Variants in ARHGAP12 observed in about 807,000 individuals in gnomAD.
ARHGAP12 encodes Rho GTPase activating protein 12.
ARHGAP12 carries 64 observed loss-of-function variants against 108.6 expected under a neutral mutation model. The ratio of observed to expected loss-of-function variants is 0.59; its 90% confidence interval spans 0.48 to 0.73. ARHGAP12 has a LOEUF of 0.73. ARHGAP12 is among the 30% of genes least tolerant of loss of function. ARHGAP12 has a pLI of 0.00. For missense variants in ARHGAP12, 940 were observed against 1,005.9 expected, an observed-to-expected ratio of 0.93 and a Z score of 0.89; for synonymous variants, 312 against 337.2, an observed-to-expected ratio of 0.93 and a Z score of 0.82.
intron 3 of ARHGAP12, among the ~76,000 whole-genome samples, chr10:31,892,020 G>A (rs1023777544): frequency 3.9e-5 from 6 of 152,016 alleles, no homozygotes; most frequent in African/African-American, 1.2e-4. Context: ...TTTGCAATGG[G>A]TTCGAACTTC....
intron 16 of ARHGAP12, chr10:31,809,826 T>C (rs1834949342): frequency 1.3e-5 from 2 of 152,478 alleles, no homozygotes; most frequent in Admixed American, 1.3e-4. Context: ...TATTTTCTTT[T>C]ATATGTGAAA....
At chr10:31,864,549 C>T (rs1380854611) in intron 3 of ARHGAP12, among the ~76,000 whole-genome samples, 1 of 152,100 alleles carries the variant, frequency 6.6e-6, no homozygotes, top group Non-Finnish European at 1.5e-5. Flanking sequence ...GCCCAGTACA[C>T]AGGAGCACTT....
chr10:31,879,972 A>G (rs1837875508), intron 3 of ARHGAP12, among the ~76,000 whole-genome samples: 1 of 152,242 alleles, frequency 6.6e-6, no homozygotes, highest in Admixed American at 6.5e-5. Flanking sequence ...GGGAAATAAT[A>G]GGGAAGCAAC....
Position 31,827,938 on chromosome 10 carries a change from AAGTGAAATAAAGTTAATTACTACT to A in ARHGAP12, c.1449-1577_1449-1554del, listed in dbSNP as rs575847072. Among the ~76,000 whole-genome samples, 105 of 152,310 alleles carry A rather than the reference AAGTGAAATAAAGTTAATTACTACT, an allele frequency of 6.9e-4. 1 individual carries two copies. The East Asian group carries it at 0.016, about 23-fold the overall frequency. ...CTAGTTGAACTTTATGGATTAAGATAAGTGAAATAAAGTTAATTACTACTAGTGAAATAAAGTTAATTACTACTA... is the reference window on the plus strand; with the variant it reads ...CTAGTTGAACTTTATGGATTAAGATAAGTGAAATAAAGTTAATTACTACTA... On this transcript the variant is annotated intron_variant, in intron 10 of 19. Transcript: ENST00000344936.
At chr10:31,832,982 A>G (rs138457592) in intron 9 of ARHGAP12, among the ~76,000 whole-genome samples, 93 of 152,240 alleles carry the variant, frequency 6.1e-4, no homozygotes, top group African/African-American at 2.1e-3. Flanking sequence ...CGCAAGTTTG[A>G]TATTTTTCGT....
At chr10:31,915,872 A>G (rs755596443) in intron 1 of ARHGAP12, among the ~76,000 whole-genome samples, 6 of 152,194 alleles carry the variant, frequency 3.9e-5, no homozygotes. Flanking sequence ...AAAACTTTAG[A>G]TCTAGGTAAC....
At chr10:31,846,899 A>ATTTTTTT (rs377177944) in intron 6 of ARHGAP12, among the ~76,000 whole-genome samples, 2 of 84,604 alleles carry the variant, frequency 2.4e-5, no homozygotes, top group African/African-American at 4.8e-5. Flanking sequence ...GGCACTGTTC[A>ATTTTTTT]TTTTTTTTTT....
intron 4 of ARHGAP12, among the ~76,000 whole-genome samples, chr10:31,856,519 T>TG (rs1218294443): frequency 2.0e-5 from 3 of 152,278 alleles, no homozygotes; most frequent in Non-Finnish European, 4.4e-5. Flanking sequence ...CCCCAATAAT[T>TG]GGGGAAAATA....
Position 31,839,683 on chromosome 10 carries a change from A to G in ARHGAP12, c.1325T>C (p.Phe442Ser), listed in dbSNP as rs2808096. The part of the protein sequence containing the change: ...KESPTASKPC[F>S]PENESSPSSP... ...GGAGGGAGAAGACTCATTTTCAGGAAAGCAGGGTTTTGAGGCAGTTGGAGA... is the reference window on the plus strand; with the variant it reads ...GGAGGGAGAAGACTCATTTTCAGGAGAGCAGGGTTTTGAGGCAGTTGGAGA... Residue 442 changes from phenylalanine to serine, a missense_variant, in exon 8 of 20, where the codon TTT (phenylalanine) becomes TCT (serine). Phe to Ser is a radical substitution (Grantham distance 155, BLOSUM62 -2). Coordinates refer to ENST00000344936, the MANE Select transcript of ARHGAP12 (RefSeq NM_018287.7). 339,706 of 1,603,304 alleles carry G rather than the reference A, an allele frequency of 0.21. 37,846 individuals carry two copies. Among genetic ancestry groups the G allele is most frequent in the East Asian group, 0.35 (15,499 of 44,500 alleles).
chr10:31,905,778 C>T (rs1461542263), intron 3 of ARHGAP12, among the ~76,000 whole-genome samples: 1 of 151,994 alleles, frequency 6.6e-6, no homozygotes, highest in Admixed American at 6.6e-5. Context: ...ACAGGAAACA[C>T]TTGCATTGTA....
intron 4 of ARHGAP12, among the ~76,000 whole-genome samples, chr10:31,861,134 A>AG (rs1187043495): frequency 3.3e-5 from 5 of 152,246 alleles, no homozygotes; most frequent in African/African-American, 9.6e-5. Flanking sequence ...CTAAGACATA[A>AG]GGGGGTGCAC....
intron 5 of ARHGAP12, among the ~76,000 whole-genome samples, chr10:31,853,016 C>T (rs1212729316): frequency 2.6e-5 from 4 of 152,290 alleles, no homozygotes; most frequent in Admixed American, 6.5e-5. Flanking sequence ...GCGTCAGCCA[C>T]GGCGCCCGGC....
intron 3 of ARHGAP12, among the ~76,000 whole-genome samples, chr10:31,877,457 T>C (rs1435071865): frequency 6.6e-6 from 1 of 152,202 alleles, no homozygotes; most frequent in African/African-American, 2.4e-5. Context: ...AAATCTGAAG[T>C]TGGAAAGTCA....
chr10:31,920,466 A>AAG (rs1221473072), intron 1 of ARHGAP12, among the ~76,000 whole-genome samples: 1 of 151,054 alleles, frequency 6.6e-6, no homozygotes, highest in African/African-American at 2.4e-5. Flanking sequence ...AAAAAAAAAA[A>AAG]AAAAAGAAAA....
At chr10:31,890,503 T>C (rs1200795091) in intron 3 of ARHGAP12, among the ~76,000 whole-genome samples, 1 of 152,204 alleles carries the variant, frequency 6.6e-6, no homozygotes, top group Non-Finnish European at 1.5e-5. Flanking sequence ...TTCCTAACTT[T>C]AGACATGCTC....
chr10:31,889,045 G>A (rs1229710457), intron 3 of ARHGAP12, among the ~76,000 whole-genome samples: 2 of 152,142 alleles, frequency 1.3e-5, no homozygotes, highest in African/African-American at 4.8e-5. Context: ...TAGTAGCTGG[G>A]ATTACAGGTG....
chr10:31,812,498 T>A, intron 15 of ARHGAP12: 1 of 318,420 alleles, frequency 3.1e-6, no homozygotes, highest in East Asian at 5.4e-5. Flanking sequence ...AAAAGTTTAG[T>A]GTGTTATTTA....
In ARHGAP12 at chr10:31,918,932, T is replaced by C. The variant is rs542244521; in HGVS notation, c.-110-8369A>G. Reference sequence around the variant, plus strand: ...GCAGAAAGTCAAACAGATATTTGTATATCCATGTTCACAGCAGCATTAATC... The same window carrying C: ...GCAGAAAGTCAAACAGATATTTGTACATCCATGTTCACAGCAGCATTAATC... On this transcript the variant is annotated intron_variant, in intron 1 of 19. Transcript: ENST00000344936. Among the ~76,000 whole-genome samples the C allele has an allele frequency of 8.4e-4, 128 of 152,346 alleles. 4 individuals are homozygous for C. The South Asian group carries it at 0.026, about 31-fold the overall frequency.
chr10:31,878,448 T>C (rs1327083814), intron 3 of ARHGAP12, among the ~76,000 whole-genome samples: 1 of 152,206 alleles, frequency 6.6e-6, no homozygotes, highest in Non-Finnish European at 1.5e-5. Flanking sequence ...AATCACATAA[T>C]AGACACTTCT....
Sources: allele counts gnomAD v4.1 joint callset (sites outside exome capture counted in the v4.1 genomes callset), GRCh38; gene constraint gnomAD v4.1.1; transcripts MANE v1.5; gene names NCBI Gene and HGNC (gene_info 2026-07-23, HGNC 2026-07-21).